Variants in PRKG1 observed in about 807,000 individuals in gnomAD.
The protein encoded by PRKG1 is protein kinase cGMP-dependent 1, also known as cGMP-dependent protein kinase 1.
Under a neutral mutation model 88.1 loss-of-function variants are expected in PRKG1, and 35 were observed. That is an observed-to-expected ratio of 0.40 (90% CI 0.30 to 0.53). PRKG1 has a LOEUF of 0.53. Among genes scored for constraint, PRKG1 ranks in the 20% least tolerant of loss-of-function variants. The pLI is 0.59. For missense variants in PRKG1, 540 were observed against 839.8 expected (o/e 0.64, Z 4.41); for synonymous variants, 303 against 292.5 (o/e 1.04, Z -0.37).
chr10:51,857,783 C>T (rs983309085), intron 4 of PRKG1, among the ~76,000 whole-genome samples: 2 of 151,694 alleles, frequency 1.3e-5, no homozygotes, highest in African/African-American at 4.8e-5. Flanking sequence ...TCAAAGGTAG[C>T]AAAATGTAAT....
At chr10:51,234,232 G>A (rs1838921016) in intron 2 of PRKG1, among the ~76,000 whole-genome samples, 2 of 151,986 alleles carry the variant, frequency 1.3e-5, no homozygotes, top group South Asian at 4.2e-4. Flanking sequence ...CCTCACTATG[G>A]AACCCACCCG....
At chr10:51,655,214 C>A (rs1345668402) in intron 3 of PRKG1, among the ~76,000 whole-genome samples, 1 of 152,078 alleles carries the variant, frequency 6.6e-6, no homozygotes, top group Non-Finnish European at 1.5e-5. Flanking sequence ...TTTCCAAATC[C>A]ACTGGATTCA....
In PRKG1 at chr10:52,241,414, G is replaced by A. The variant is rs1050369536; in HGVS notation, c.1077-10156G>A. On this transcript the variant is annotated intron_variant, in intron 9 of 17. Transcript: ENST00000373980. Reference sequence around the variant, plus strand: ...TAGACATGTCCAATGCAAACCCTTCGTTTTGCAGAAAAGGGGATATCTTGC... The same window carrying A: ...TAGACATGTCCAATGCAAACCCTTCATTTTGCAGAAAAGGGGATATCTTGC... Among the ~76,000 whole-genome samples the A allele has an allele frequency of 2.0e-5, 3 of 152,258 alleles. No individual in the cohort carries two copies. The East Asian group carries it at 5.8e-4, about 29-fold the overall frequency.
chr10:51,349,038 C>T (rs1467756902), intron 2 of PRKG1, among the ~76,000 whole-genome samples: 2 of 152,158 alleles, frequency 1.3e-5, no homozygotes. Context: ...TACCATAAGT[C>T]AGACCTGGTG....
rs143793333 is a variant in PRKG1, at chr10:52,118,736, T to C, written c.936-15104T>C. ...TCCTCTGCTTTTGAGTCACAGTTAA[T>C]ATTTAGTGTGAGTAAAATTATACCA... On this transcript the variant is annotated intron_variant, in intron 7 of 17. Transcript: ENST00000373980. Among the ~76,000 whole-genome samples, 986 of 152,212 alleles carry C rather than the reference T, an allele frequency of 6.5e-3. 5 individuals carry two copies. The highest frequency in any genetic ancestry group is 0.011 in the Non-Finnish European group (728 of 67,922).
intron 5 of PRKG1, among the ~76,000 whole-genome samples, chr10:51,948,520 G>C (rs1178067894): frequency 8.6e-6 from 1 of 116,292 alleles, no homozygotes; most frequent in African/African-American, 4.5e-5. Context: ...ACTTGTGTGT[G>C]TCTCTGTGTG....
intron 3 of PRKG1, among the ~76,000 whole-genome samples, chr10:51,590,542 A>G (rs1296928488): frequency 6.6e-6 from 1 of 152,218 alleles, no homozygotes; most frequent in Non-Finnish European, 1.5e-5. Context: ...TCTGTCACCA[A>G]GAAAAAAGGT....
intron 3 of PRKG1, among the ~76,000 whole-genome samples, chr10:51,801,718 C>A (rs10999557): frequency 0.08 from 12,171 of 152,088 alleles, 538 homozygotes; most frequent in Non-Finnish European, 0.092. Context: ...TTTTATGGCT[C>A]CTTCCTCTGT....
intron 4 of PRKG1, among the ~76,000 whole-genome samples, chr10:51,818,726 G>GCTGGATAAATTATAAAGAAAA (rs1554844682): frequency 5.7e-5 from 8 of 141,066 alleles, no homozygotes; most frequent in South Asian, 2.2e-4. Flanking sequence ...AATACCAGAG[G>GCTGGATAAATTATAAAGAAAA]GCCGGGCGCG....
chr10:51,836,686 G>A (rs1840139464), intron 4 of PRKG1, among the ~76,000 whole-genome samples: 1 of 151,898 alleles, frequency 6.6e-6, no homozygotes, highest in Admixed American at 6.6e-5. Context: ...AATATACAAG[G>A]AACTCAAAAT....
intron 2 of PRKG1, among the ~76,000 whole-genome samples, chr10:51,373,804 C>T (rs550678771): frequency 6.6e-6 from 1 of 151,994 alleles, no homozygotes; most frequent in Admixed American, 6.6e-5. Context: ...TGTTTCTTTT[C>T]TTTCTTTTTT....
chr10:51,834,666 A>AAGAAAGAAAGAC (rs1349905195), intron 4 of PRKG1, among the ~76,000 whole-genome samples: 19 of 148,182 alleles, frequency 1.3e-4, no homozygotes, highest in African/African-American at 4.9e-4. Context: ...GAAAGAAGGA[A>AAGAAAGAAAGAC]AGAAAGAAAG....
At chr10:51,203,829 CT>C (rs1004083070) in intron 2 of PRKG1, among the ~76,000 whole-genome samples, 5 of 152,148 alleles carry the variant, frequency 3.3e-5, no homozygotes, top group African/African-American at 1.2e-4. Context: ...ATATTTCCTC[CT>C]CAGGGACAAA....
intron 1 of PRKG1, among the ~76,000 whole-genome samples, chr10:51,092,334 T>C (rs890257268): frequency 4.3e-4 from 66 of 152,186 alleles, no homozygotes; most frequent in African/African-American, 1.5e-3. Context: ...AAGTGGAGGG[T>C]TTCAATTAAA....
At chr10:51,348,551 G>T (rs1401077002) in intron 2 of PRKG1, among the ~76,000 whole-genome samples, 1 of 152,142 alleles carries the variant, frequency 6.6e-6, no homozygotes, top group Non-Finnish European at 1.5e-5. Flanking sequence ...CCCACACAAT[G>T]ATGTTTATTC....
chr10:52,187,037 T>C (rs1186726247), intron 9 of PRKG1, among the ~76,000 whole-genome samples: 1 of 152,234 alleles, frequency 6.6e-6, no homozygotes, highest in Non-Finnish European at 1.5e-5. Flanking sequence ...GCACATTCAA[T>C]TTAGTTTCAT....
At chr10:51,937,989 C>T (rs888604764) in intron 5 of PRKG1, among the ~76,000 whole-genome samples, 13 of 152,008 alleles carry the variant, frequency 8.6e-5, no homozygotes, top group African/African-American at 2.9e-4. Context: ...TGTTAGTCAT[C>T]GACATCGTCC....
chr10:52,183,046 C>T (rs1436423107), intron 9 of PRKG1, among the ~76,000 whole-genome samples: 1 of 152,158 alleles, frequency 6.6e-6, no homozygotes, highest in Non-Finnish European at 1.5e-5. Flanking sequence ...TTTAAACAAT[C>T]AGATCTCATG....
At chr10:51,500,654 C>T (rs1840997461) in intron 3 of PRKG1, among the ~76,000 whole-genome samples, 1 of 152,118 alleles carries the variant, frequency 6.6e-6, no homozygotes, top group Non-Finnish European at 1.5e-5. Context: ...TGGGGGAAAT[C>T]TCTGCATTTA....
Sources: allele counts gnomAD v4.1 joint callset (sites outside exome capture counted in the v4.1 genomes callset), GRCh38; gene constraint gnomAD v4.1.1; transcripts MANE v1.5; gene names NCBI Gene and HGNC (gene_info 2026-07-23, HGNC 2026-07-21).